GALNT15: variants seen among roughly 807,000 people sequenced by gnomAD.
GALNT15 encodes UDP-GalNAc transferase T15.
A neutral mutation model predicts 66.8 loss-of-function variants in GALNT15; 67 were observed. The observed-to-expected ratio is 1.00, with a 90% CI of 0.82 to 1.23. The LOEUF is 1.23. Ranked by LOEUF, GALNT15 falls within the 50% of genes most tolerant of loss-of-function variation. The pLI, the probability that GALNT15 is intolerant of heterozygous loss-of-function variation, is 0.00. For synonymous variants in GALNT15, 313 were observed against 311.5 expected, an observed-to-expected ratio of 1.00 and a Z score of -0.05; for missense variants, 827 against 804.3, an observed-to-expected ratio of 1.03 and a Z score of -0.34.
At chr3:16,206,760 G>A (rs924782547) in intron 3 of GALNT15, among the ~76,000 whole-genome samples, 4 of 150,330 alleles carry the variant, frequency 2.7e-5, no homozygotes, top group Non-Finnish European at 4.4e-5. Flanking sequence ...TTGAATACAA[G>A]TCCCTTTCTT....
At chr3:16,245,355 GCA>G in the GALNT15 span, among the ~76,000 whole-genome samples, 2 of 152,174 alleles carry the variant, frequency 1.3e-5, no homozygotes, top group African/African-American at 4.8e-5. Context: ...CCACACATGA[GCA>G]CAGTCTTCCT....
chr3:16,197,827 G>A (rs1050859460), intron 2 of GALNT15, among the ~76,000 whole-genome samples: 2 of 152,116 alleles, frequency 1.3e-5, no homozygotes, highest in African/African-American at 2.4e-5. Flanking sequence ...AGCTTTTTCC[G>A]AGCACTATAC....
Position 16,211,608 on chromosome 3 carries a change from T to A in GALNT15, c.1197+367T>A, listed in dbSNP as rs1388087627. Reference sequence around the variant, plus strand: ...CAAAACAAATACCTGAAGTTCTGTGTATTGAGTAGTTTGGTCCAAACAATG... The same window carrying A: ...CAAAACAAATACCTGAAGTTCTGTGAATTGAGTAGTTTGGTCCAAACAATG... On this transcript the variant is annotated intron_variant, in intron 5 of 9. Transcript: ENST00000339732. The surrounding 1 kb of genome is among the most constrained non-coding windows in gnomAD (Gnocchi z 4.3). Among the ~76,000 whole-genome samples the A allele has an allele frequency of 6.6e-6, 1 of 152,230 alleles. No individual in the cohort carries two copies. The highest frequency in any genetic ancestry group is 2.4e-5 in the African/African-American group (1 of 41,452).
At chr3:16,238,034 A>T in the GALNT15 span, among the ~76,000 whole-genome samples, 1 of 152,188 alleles carries the variant, frequency 6.6e-6, no homozygotes, top group Non-Finnish European at 1.5e-5. The surrounding 1 kb of genome is among the most constrained non-coding windows in gnomAD (Gnocchi z 4.8). Context: ...TCTTTTCCCT[A>T]CACTGTTATT....
chr3:16,208,265 T>C (rs992535560), intron 3 of GALNT15, among the ~76,000 whole-genome samples: 12 of 152,204 alleles, frequency 7.9e-5, no homozygotes, highest in Admixed American at 1.3e-4. Context: ...ATCCAAAATA[T>C]TACCATTTCA....
rs143865480 is a variant in GALNT15 at position 16,219,250 on chromosome 3, G to T, written c.1393-153G>T. ...TCCAGACCTTCTTCTCCCAACACAT[G>T]ACCCTCCCCACTGCAGCCCTGGAGA... is the stretch of plus-strand genomic sequence containing the variant. On this transcript the variant is annotated intron_variant, in intron 6 of 9. Coordinates refer to ENST00000339732, the MANE Select transcript of GALNT15 (RefSeq NM_054110.5). The surrounding 1 kb of genome is among the most constrained non-coding windows in gnomAD (Gnocchi z 4.3). 23 of 855,506 alleles carry T rather than the reference G, an allele frequency of 2.7e-5. No homozygotes were observed. The highest frequency in any genetic ancestry group is 6.8e-5 in the African/African-American group (4 of 59,226). 53.0% of individuals were successfully genotyped at this position (855,506 alleles called of 1,614,324 possible). A position where few individuals can be genotyped will look rare whatever the true frequency, so the allele number is the denominator to read the frequency against.
intron 1 of GALNT15, among the ~76,000 whole-genome samples, chr3:16,178,945 C>T (rs1483448846): frequency 6.6e-6 from 1 of 152,212 alleles, no homozygotes; most frequent in Non-Finnish European, 1.5e-5. Context: ...AGTTCCTACA[C>T]CCAAATGCCC....
chr3:16,220,463 G>C (rs560791272), intron 8 of GALNT15, among the ~76,000 whole-genome samples: 1 of 152,176 alleles, frequency 6.6e-6, no homozygotes, highest in African/African-American at 2.4e-5. Context: ...CATTAGGAAG[G>C]TCTCCTCATA....
intron 3 of GALNT15, among the ~76,000 whole-genome samples, chr3:16,202,638 G>A (rs1249336583): frequency 1.3e-5 from 2 of 152,184 alleles, no homozygotes; most frequent in Non-Finnish European, 2.9e-5. Context: ...ATCCCGAAAA[G>A]AAAAGAAAAT....
rs2063492949 is a variant in GALNT15, at chr3:16,183,848, C to T, written c.539+8158C>T. 6.6e-6 allele frequency among the ~76,000 whole-genome samples: 1 copy of T among 152,112 alleles called. No individual in the cohort carries two copies. Among genetic ancestry groups the T allele is most frequent in the East Asian group, 1.9e-4 (1 of 5,188 alleles). On this transcript the variant is annotated intron_variant, in intron 1 of 9. Transcript: ENST00000339732. This position sits in a 1 kb window ranked among gnomAD's most constrained non-coding sequence, Gnocchi z 5.2. ...CTGGTGCAATGCTGTGACTCATTCT[C>T]TTCAGAGCCATCATCCAAATGCATT... is the stretch of plus-strand genomic sequence containing the variant.
intron 9 of GALNT15, among the ~76,000 whole-genome samples, chr3:16,226,843 A>G (rs1322213783): frequency 6.6e-6 from 1 of 152,254 alleles, no homozygotes; most frequent in Non-Finnish European, 1.5e-5. Flanking sequence ...ATTGGAGTCA[A>G]TATTAAATCT....
In GALNT15 at chr3:16,224,632, C is replaced by CTA. The variant is rs1248983437; in HGVS notation, c.1773+1875_1773+1876insAT. Among the ~76,000 whole-genome samples, 2 of 131,966 alleles carry CTA rather than the reference C, an allele frequency of 1.5e-5. No homozygotes were observed. The highest frequency in any genetic ancestry group is 5.7e-5 in the African/African-American group (2 of 35,380). 86.6% of individuals were successfully genotyped at this position (131,966 alleles called of 152,430 possible). On this transcript the variant is annotated intron_variant, in intron 9 of 9. Coordinates refer to ENST00000339732, the MANE Select transcript of GALNT15 (RefSeq NM_054110.5). The surrounding 1 kb of genome is among the most constrained non-coding windows in gnomAD (Gnocchi z 5.2). ...TTTAACACTATTGTAGTAGGCTATT[C>CTA]TTTTTTTTTTTTTTTTTTTTAAAGA...
In GALNT15 at chr3:16,212,796, C is replaced by T. The variant is rs2063831548; in HGVS notation, c.1392+33C>T. ...GAGAGCCAAGTGGGGCTTCTGTGTCCAGCACAGGGCCACTAGCAGGAGGTG... is the reference window on the plus strand; with the variant it reads ...GAGAGCCAAGTGGGGCTTCTGTGTCTAGCACAGGGCCACTAGCAGGAGGTG... On this transcript the variant is annotated intron_variant, in intron 6 of 9. Coordinates refer to ENST00000339732, the MANE Select transcript of GALNT15 (RefSeq NM_054110.5). The T allele has an allele frequency of 1.9e-6, 3 of 1,576,642 alleles. No homozygotes were observed. In the South Asian group the frequency reaches 3.4e-5, roughly 18 times the overall value.
rs1203339336 is a variant in GALNT15, at chr3:16,184,168, CA to C, written c.539+8479del. On this transcript the variant is annotated intron_variant, in intron 1 of 9. Transcript: ENST00000339732. The surrounding 1 kb of genome is among the most constrained non-coding windows in gnomAD (Gnocchi z 5.0). The stretch of plus-strand genomic sequence containing the variant: ...CACTCAAAGGATGAACAAAGGAGGT[CA>C]GGGGTGGGGTTTTGGACACTTGAGT... Among the ~76,000 whole-genome samples, 3 of 152,180 alleles carry C rather than the reference CA, an allele frequency of 2.0e-5. No homozygotes were observed. Among genetic ancestry groups the C allele is most frequent in the South Asian group, 2.1e-4 (1 of 4,836 alleles).
Position 16,228,422 on chromosome 3 carries a change from C to T in GALNT15, c.*922C>T. 1.2e-6 allele frequency: 1 copy of T among 825,100 alleles called. No individual in the cohort carries two copies. The highest frequency in any genetic ancestry group is 1.5e-6 in the Non-Finnish European group (1 of 683,488). 51.1% of individuals were successfully genotyped at this position (825,100 alleles called of 1,614,324 possible). ...TTGGGAGGCAGAGTTGGGAGGATCA[C>T]CTGATGTCAGGGGTTTGAGACCAGC... On this transcript the variant is annotated 3_prime_UTR_variant, in exon 10 of 10. Coordinates refer to ENST00000339732, the MANE Select transcript of GALNT15 (RefSeq NM_054110.5).
intron 9 of GALNT15, among the ~76,000 whole-genome samples, chr3:16,223,099 G>A (rs1040434524): frequency 1.3e-5 from 2 of 152,138 alleles, no homozygotes; most frequent in African/African-American, 4.8e-5. Flanking sequence ...CCACCTTGGT[G>A]GTGTGGTTTT....
chr3:16,221,727 G>A (rs1487968024), intron 8 of GALNT15, among the ~76,000 whole-genome samples: 1 of 152,192 alleles, frequency 6.6e-6, no homozygotes, highest in Non-Finnish European at 1.5e-5. Flanking sequence ...GGGGCTTTGA[G>A]TAGGAAACAA....
intron 3 of GALNT15, among the ~76,000 whole-genome samples, chr3:16,206,175 C>T (rs966324589): frequency 4.6e-5 from 7 of 151,608 alleles, no homozygotes; most frequent in African/African-American, 1.7e-4. Context: ...CTCAGGAGTT[C>T]GAGACTAGCC....
At position 16,227,250 on chromosome 3, in the gene GALNT15, A is replaced by G; in HGVS notation, c.1774-104A>G. ...ATTCCTTTCCAGGCCAGTTCACACCATCTGTTATTCTCTTAATGATTAGCA... is the reference window on the plus strand; with the variant it reads ...ATTCCTTTCCAGGCCAGTTCACACCGTCTGTTATTCTCTTAATGATTAGCA... On this transcript the variant is annotated intron_variant, in intron 9 of 9. Coordinates refer to ENST00000339732, the MANE Select transcript of GALNT15 (RefSeq NM_054110.5). The surrounding 1 kb of genome is among the most constrained non-coding windows in gnomAD (Gnocchi z 4.5). 2.5e-6 allele frequency: 3 copies of G among 1,206,662 alleles called. No individual in the cohort carries two copies. The highest frequency in any genetic ancestry group is 1.5e-5 in the South Asian group (1 of 66,950). 74.7% of individuals were successfully genotyped at this position (1,206,662 alleles called of 1,614,324 possible). A position where few individuals can be genotyped will look rare whatever the true frequency, so the allele number is the denominator to read the frequency against.
Sources: gnomAD v4.1 joint callset for allele counts (sites outside exome capture counted in the v4.1 genomes callset) on GRCh38, gnomAD v4.1.1 for gene constraint, Gnocchi (gnomAD v3.1) non-coding constraint, MANE v1.5 for transcripts, NCBI Gene and HGNC (gene_info 2026-07-23, HGNC 2026-07-21) for gene names.